MED13: variants seen among roughly 807,000 people sequenced by gnomAD.
MED13 encodes mediator complex subunit 13.
MED13 carries 23 observed loss-of-function variants against 225.2 expected under a neutral mutation model. The ratio of observed to expected loss-of-function variants is 0.10; its 90% CI spans 0.07 to 0.14. MED13 has a LOEUF of 0.14. MED13 is among the 10% of genes least tolerant of loss of function. The pLI is 1.00. For synonymous variants in MED13, 942 were observed against 889.2 expected (o/e 1.06, Z -1.06); for missense variants, 2,197 against 2,594.5 (o/e 0.85, Z 3.33).
chr17:61,988,833 CTT>C (rs2080270365), intron 11 of MED13, among the ~76,000 whole-genome samples: 1 of 151,704 alleles, frequency 6.6e-6, no homozygotes, highest in African/African-American at 2.4e-5. Flanking sequence ...GTTGGGAACA[CTT>C]AAAATCTACT....
chr17:61,953,730 C>T (rs1375578678), intron 26 of MED13, among the ~76,000 whole-genome samples: 1 of 152,212 alleles, frequency 6.6e-6, no homozygotes, highest in Non-Finnish European at 1.5e-5. Context: ...TTTTAAGCCA[C>T]TAAATGTGTA....
At chr17:62,061,836 G>T (rs1440138881) in intron 2 of MED13, among the ~76,000 whole-genome samples, 1 of 152,074 alleles carries the variant, frequency 6.6e-6, no homozygotes, top group Non-Finnish European at 1.5e-5. Flanking sequence ...CACAACTAAG[G>T]ACTGGACTCT....
intron 14 of MED13, 37 bp downstream of exon 14, chr17:61,984,614 A>G: frequency 1.3e-6 from 2 of 1,512,008 alleles, no homozygotes; most frequent in Non-Finnish European, 1.8e-6. Flanking sequence ...AAGAAAATAT[A>G]GGAAGTGAAT....
intron 14 of MED13, 72 bp downstream of exon 14, chr17:61,984,579 G>A: frequency 7.5e-7 from 1 of 1,332,622 alleles, no homozygotes; most frequent in Non-Finnish European, 1.0e-6. Context: ...AATAATTTTT[G>A]ACTATAGCAA....
At chr17:62,033,194 A>T (rs2080772906) in intron 5 of MED13, among the ~76,000 whole-genome samples, 1 of 152,024 alleles carries the variant, frequency 6.6e-6, no homozygotes, top group Non-Finnish European at 1.5e-5. Context: ...AAAAAATATA[A>T]AAAAATCTGA....
rs115547555 is a variant in MED13 at position 61,971,599 on chromosome 17, T to C, written c.3967+1128A>G. 5.8e-3 allele frequency among the ~76,000 whole-genome samples: 876 copies of C among 152,284 alleles called. 10 individuals carry two copies. Among genetic ancestry groups the C allele is most frequent in the African/African-American group, 0.021 (855 of 41,552 alleles). ...TACAGGCGTGAGCCACCACGCCGGC[T>C]ACCATCTTAGTTTTTAAAATAATGT... On this transcript the variant is annotated intron_variant, in intron 17 of 29. Transcript: ENST00000397786.
At chr17:62,033,645 A>C (rs538724935) in intron 5 of MED13, 142 bp downstream of exon 5, 1 of 759,040 alleles carries the variant, frequency 1.3e-6, no homozygotes, top group South Asian at 1.9e-5. Flanking sequence ...GCAGCCCTTA[A>C]GTAATGTGGG....
At chr17:61,991,878 T>C (rs1384359777) in intron 11 of MED13, among the ~76,000 whole-genome samples, 1 of 152,112 alleles carries the variant, frequency 6.6e-6, no homozygotes, top group African/African-American at 2.4e-5. Flanking sequence ...ACTCCTGACC[T>C]CAAGTGATCC....
At chr17:62,054,470 T>C (rs1337415194) in intron 2 of MED13, among the ~76,000 whole-genome samples, 1 of 152,200 alleles carries the variant, frequency 6.6e-6, no homozygotes, top group Non-Finnish European at 1.5e-5. Flanking sequence ...GACACCGTTA[T>C]CTACTTCCAT....
chr17:62,057,328 T>C (rs2081003407), intron 2 of MED13, among the ~76,000 whole-genome samples: 2 of 152,024 alleles, frequency 1.3e-5, no homozygotes, highest in South Asian at 4.2e-4. Context: ...CATCATTATC[T>C]ATGGCAAAAC....
chr17:61,987,062 G>A lies in MED13; in HGVS notation c.2330C>T (p.Ala777Val), dbSNP rs1203463607. 1.2e-6 allele frequency: 2 copies of A among 1,607,058 alleles called. No homozygotes were observed. Among genetic ancestry groups the A allele is most frequent in the Non-Finnish European group, 1.7e-6 (2 of 1,175,516 alleles). The change falls in exon 12 of 30, where the codon GCT becomes GTT. Residue 777 changes from alanine to valine, a missense_variant. By Grantham distance (64) the Ala-to-Val change is moderately conservative (BLOSUM62 0). Transcript: ENST00000397786. ...ATTATCAAGGTCAGTATAAGAGACA[G>A]CCAGGTCTGAGTCATAAATCAAACT... Reference protein sequence around the residue: ...STSLIYDSDLAVSYTDLDNLF... With the variant: ...STSLIYDSDLVVSYTDLDNLF...
intron 16 of MED13, 122 bp from the exon 17 acceptor site, chr17:61,973,010 C>T: frequency 1.4e-6 from 1 of 691,018 alleles, no homozygotes; most frequent in Non-Finnish European, 2.3e-6. Context: ...AAGATTAAAC[C>T]CTTACTTGTG....
intron 16 of MED13, among the ~76,000 whole-genome samples, chr17:61,975,782 G>A (rs1332374510): frequency 6.6e-5 from 10 of 152,106 alleles, no homozygotes; most frequent in African/African-American, 1.9e-4. Flanking sequence ...TTGGGAGGCC[G>A]AGGCAGGCAG....
At chr17:62,016,552 C>G (rs931646455) in intron 8 of MED13, among the ~76,000 whole-genome samples, 4 of 152,178 alleles carry the variant, frequency 2.6e-5, no homozygotes, top group African/African-American at 9.7e-5. Context: ...TTACATGTAG[C>G]TATTAGACAC....
chr17:61,956,505 T>C lies in MED13; in HGVS notation c.5481-24A>G, dbSNP rs761766885. The C allele has an allele frequency of 3.2e-6, 5 of 1,575,872 alleles. No homozygotes were observed. The Admixed American group carries it at 6.0e-5, about 19-fold the overall frequency. ...CCCTATTGTGTGAATAAAGAGAGTGTCATAAATATTTCTAAAATTTATATG... is the reference window on the plus strand; with the variant it reads ...CCCTATTGTGTGAATAAAGAGAGTGCCATAAATATTTCTAAAATTTATATG... On this transcript the variant is annotated intron_variant, in intron 23 of 29. Transcript: ENST00000397786.
Position 61,947,408 on chromosome 17 carries a change from C to T in MED13, c.6292-391G>A, listed in dbSNP as rs73334652. 5.9e-3 allele frequency among the ~76,000 whole-genome samples: 893 copies of T among 152,120 alleles called. 8 individuals carry two copies. The highest frequency in any genetic ancestry group is 0.02 in the African/African-American group (842 of 41,486). On this transcript the variant is annotated intron_variant, in intron 28 of 29. Transcript: ENST00000397786. ...TAGCTTTATTGTTTTTGAGACCATA[C>T]AATAATCCTTAGAAAAAGAATTTCT...
At chr17:61,974,859 T>G (rs1176402683) in intron 16 of MED13, among the ~76,000 whole-genome samples, 1 of 152,166 alleles carries the variant, frequency 6.6e-6, no homozygotes, top group African/African-American at 2.4e-5. Flanking sequence ...TTTCAAGACC[T>G]TGGGTTAGGT....
rs747249640 is a variant in MED13, at chr17:61,965,486, G to A, written c.4382-18C>T. On this transcript the variant is annotated intron_variant, in intron 19 of 29. Transcript: ENST00000397786. ...ATAAGGACCTAAAGAATAAAAACAG[G>A]TACGAAATTTAATTCTTTATTTCAC... 12 of 1,586,240 alleles carry A rather than the reference G, an allele frequency of 7.6e-6. No homozygotes were observed. In the East Asian group the frequency reaches 2.7e-4, roughly 36 times the overall value.
intron 21 of MED13, among the ~76,000 whole-genome samples, chr17:61,962,454 A>G (rs1263653877): frequency 6.6e-6 from 1 of 152,202 alleles, no homozygotes; most frequent in African/African-American, 2.4e-5. Flanking sequence ...GTTTAGGTAC[A>G]TGCTACATTT....
Sources: allele counts gnomAD v4.1 joint callset (sites outside exome capture counted in the v4.1 genomes callset), GRCh38; gene constraint gnomAD v4.1.1; transcripts MANE v1.5; gene names NCBI Gene and HGNC (gene_info 2026-07-23, HGNC 2026-07-21).